The following TBC1D5 variants were observed in gnomAD, a reference collection of about 807,000 sequenced individuals.
TBC1D5 encodes TBC1 domain family, member 5.
In TBC1D5, 75 loss-of-function variants were observed where a neutral mutation model predicts 100.3. That is an observed-to-expected ratio of 0.75 (90% CI 0.62 to 0.91). The LOEUF (loss-of-function observed/expected upper bound fraction) is 0.91. Among genes scored for constraint, TBC1D5 ranks in the 40% least tolerant of loss-of-function variants. The pLI is 0.00. For synonymous variants in TBC1D5, 323 were observed against 325.6 expected (o/e 0.99, Z 0.09); for missense variants, 910 against 942.4 (o/e 0.97, Z 0.45).
intron 1 of TBC1D5, among the ~76,000 whole-genome samples, chr3:17,697,428 T>G (rs2072307360): frequency 6.6e-6 from 1 of 152,174 alleles, no homozygotes; most frequent in South Asian, 2.1e-4. Flanking sequence ...AAAATCAATG[T>G]GAAAAAATCA....
intron 18 of TBC1D5, among the ~76,000 whole-genome samples, chr3:17,197,049 C>A (rs955742465): frequency 3.3e-5 from 5 of 152,172 alleles, no homozygotes; most frequent in Non-Finnish European, 7.3e-5. Flanking sequence ...ACACAGATAT[C>A]TGCCAGCTAC....
chr3:17,683,517 T>A, intron 1 of TBC1D5, among the ~76,000 whole-genome samples: 1 of 146,570 alleles, frequency 6.8e-6, no homozygotes, highest in African/African-American at 2.8e-5. Flanking sequence ...GATGACTAAA[T>A]GTTATACAAA....
intron 18 of TBC1D5, among the ~76,000 whole-genome samples, chr3:17,203,944 AG>A (rs2071812309): frequency 6.6e-6 from 1 of 152,260 alleles, no homozygotes; most frequent in South Asian, 2.1e-4. Flanking sequence ...AACAACCAAA[AG>A]GGAGTTCCTT....
At chr3:17,235,657 G>A (rs1436914079) in intron 17 of TBC1D5, among the ~76,000 whole-genome samples, 5 of 152,190 alleles carry the variant, frequency 3.3e-5, no homozygotes, top group Non-Finnish European at 7.3e-5. Flanking sequence ...GATTTTTAGA[G>A]GTGGGAGACT....
intron 4 of TBC1D5, among the ~76,000 whole-genome samples, chr3:17,418,471 A>C (rs1245678151): frequency 1.3e-5 from 2 of 152,054 alleles, no homozygotes; most frequent in Non-Finnish European, 2.9e-5. Flanking sequence ...AGATGAGCAC[A>C]GTGGTGCACA....
chr3:17,429,375 T>A (rs1158803147), intron 3 of TBC1D5, among the ~76,000 whole-genome samples: 3 of 151,934 alleles, frequency 2.0e-5, no homozygotes, highest in Non-Finnish European at 4.4e-5. Context: ...GAAACCATAG[T>A]ATACCACTAT....
chr3:17,676,273 T>C (rs1327538829), intron 1 of TBC1D5, among the ~76,000 whole-genome samples: 3 of 152,182 alleles, frequency 2.0e-5, no homozygotes, highest in Non-Finnish European at 4.4e-5. Flanking sequence ...TGTTTATGTT[T>C]TCATTCATCT....
intron 9 of TBC1D5, among the ~76,000 whole-genome samples, chr3:17,380,111 A>C (rs985741560): frequency 2.7e-5 from 4 of 150,782 alleles, no homozygotes; most frequent in Non-Finnish European, 5.9e-5. Context: ...AGATCCTACC[A>C]CAGGCCCAGC....
intron 3 of TBC1D5, among the ~76,000 whole-genome samples, chr3:17,461,106 C>T (rs534444169): frequency 6.6e-6 from 1 of 152,254 alleles, no homozygotes; most frequent in South Asian, 2.1e-4. Context: ...CAGAAAATAA[C>T]ATCCTACTGT....
At chr3:17,598,007 C>CCG (rs1553869973) in intron 2 of TBC1D5, among the ~76,000 whole-genome samples, 8 of 150,832 alleles carry the variant, frequency 5.3e-5, no homozygotes, top group Non-Finnish European at 1.0e-4. Context: ...CCTGCCCCCC[C>CCG]GCCCCCCAAC....
intron 8 of TBC1D5, among the ~76,000 whole-genome samples, chr3:17,386,515 A>G (rs1010985157): frequency 2.0e-5 from 3 of 152,154 alleles, no homozygotes; most frequent in African/African-American, 4.8e-5. Flanking sequence ...ATCGTGAACT[A>G]TAACAAGTGG....
At chr3:17,483,589 T>C (rs893769699) in intron 3 of TBC1D5, among the ~76,000 whole-genome samples, 3 of 152,330 alleles carry the variant, frequency 2.0e-5, no homozygotes, top group Non-Finnish European at 4.4e-5. Flanking sequence ...ATAAATCTTA[T>C]TGATATGTAT....
At chr3:17,159,195 C>T (rs528498085) in exon 22 of TBC1D5, 2 of 152,044 alleles carry the variant, frequency 1.3e-5, no homozygotes, top group Non-Finnish European at 2.9e-5. Context: ...TATTATTCAC[C>T]TTACATGCTG....
At chr3:17,303,394 T>A (rs1286742055) in intron 14 of TBC1D5, among the ~76,000 whole-genome samples, 1 of 152,256 alleles carries the variant, frequency 6.6e-6, no homozygotes, top group African/African-American at 2.4e-5. Flanking sequence ...AATAATTGAC[T>A]GGTTCAATAA....
intron 4 of TBC1D5, among the ~76,000 whole-genome samples, chr3:17,426,211 T>C (rs963567944): frequency 3.9e-5 from 6 of 152,182 alleles, no homozygotes; most frequent in Non-Finnish European, 8.8e-5. Flanking sequence ...AAAAATAATT[T>C]GCATTTTCAA....
intron 1 of TBC1D5, among the ~76,000 whole-genome samples, chr3:17,654,514 T>C (rs972792955): frequency 2.0e-5 from 3 of 152,198 alleles, no homozygotes; most frequent in African/African-American, 7.2e-5. Flanking sequence ...TGAAGCCCAC[T>C]TGATCATGGT....
chr3:17,227,855 T>G (rs919376333), intron 17 of TBC1D5, among the ~76,000 whole-genome samples: 4 of 149,560 alleles, frequency 2.7e-5, no homozygotes, highest in African/African-American at 9.9e-5. Context: ...AATAAAAGTT[T>G]TTTTTTTTTT....
intron 1 of TBC1D5, among the ~76,000 whole-genome samples, chr3:17,641,886 G>A (rs1029128813): frequency 2.0e-5 from 3 of 152,060 alleles, no homozygotes; most frequent in Non-Finnish European, 4.4e-5. Context: ...GATTATAAAT[G>A]CAGACTAATG....
chr3:17,724,166 C>T (rs557370667), intron 1 of TBC1D5, among the ~76,000 whole-genome samples: 1 of 151,178 alleles, frequency 6.6e-6, no homozygotes, highest in Non-Finnish European at 1.5e-5. Flanking sequence ...TGCAGCCTCA[C>T]TGGGCTCAAG....
Sources: gnomAD v4.1 joint callset for allele counts (sites outside exome capture counted in the v4.1 genomes callset) on GRCh38, gnomAD v4.1.1 for gene constraint, MANE v1.5 for transcripts, NCBI Gene and HGNC (gene_info 2026-07-23, HGNC 2026-07-21) for gene names.